SEC23IP: variants seen among roughly 807,000 people sequenced by gnomAD.
SEC23IP encodes SEC23 interacting protein, also known as SEC23-interacting protein.
A neutral mutation model predicts 113.4 loss-of-function variants in SEC23IP; 70 were observed. That is an observed-to-expected ratio of 0.62 (90% CI 0.51 to 0.75). SEC23IP has a LOEUF of 0.75. Ranked by LOEUF, SEC23IP falls within the 30% of genes least tolerant of loss-of-function variation. SEC23IP has a pLI of 0.00. For missense variants in SEC23IP, 1,160 were observed against 1,204.9 expected (o/e 0.96, Z 0.55); for synonymous variants, 398 against 421.0 (o/e 0.95, Z 0.67).
At chr10:119,911,051 T>A (rs1195266536) in intron 5 of SEC23IP, among the ~76,000 whole-genome samples, 3 of 151,062 alleles carry the variant, frequency 2.0e-5, no homozygotes, top group African/African-American at 7.3e-5. Context: ...TTTTTTTTTT[T>A]AAAGAAAATT....
rs772413249 is a variant in SEC23IP at position 119,918,495 on chromosome 10, A to G, written c.1856A>G (p.His619Arg). 2 of 1,610,538 alleles carry G rather than the reference A, an allele frequency of 1.2e-6. No homozygotes were observed. The highest frequency in any genetic ancestry group is 1.7e-6 in the Non-Finnish European group (2 of 1,176,730). The change falls in exon 10 of 19, where the codon CAT becomes CGT. Residue 619 changes from histidine (H) to arginine (R), a missense_variant. Coordinates refer to ENST00000369075, the MANE Select transcript of SEC23IP (RefSeq NM_007190.4). ...AVANGVVKQLHFQEKQMPEEP... is the reference protein window; with the variant it reads ...AVANGVVKQLRFQEKQMPEEP... ...GCTAATGGAGTTGTGAAGCAGCTACATTTTCAGGAAAAGCAGGTACGTCTG... is the reference window on the plus strand; with the variant it reads ...GCTAATGGAGTTGTGAAGCAGCTACGTTTTCAGGAAAAGCAGGTACGTCTG...
At chr10:119,927,250 T>C (rs1855452072) in intron 13 of SEC23IP, among the ~76,000 whole-genome samples, 1 of 152,230 alleles carries the variant, frequency 6.6e-6, no homozygotes, top group Admixed American at 6.5e-5. Context: ...ATTTCACTGT[T>C]TGGAGAGATA....
rs944689097 is a variant in SEC23IP, at chr10:119,941,047, T to G, written c.*482T>G. 6.6e-6 allele frequency: 1 copy of G among 152,228 alleles called. No homozygotes were observed. Among genetic ancestry groups the G allele is most frequent in the Admixed American group, 6.5e-5 (1 of 15,290 alleles). The allele number at this position is 152,228 out of a possible 1,614,324, so 9.4% of individuals were successfully genotyped here. A position where few individuals can be genotyped will look rare whatever the true frequency, so the allele number is the denominator to read the frequency against. On this transcript the variant is annotated 3_prime_UTR_variant, in exon 19 of 19. Coordinates refer to ENST00000369075, the MANE Select transcript of SEC23IP (RefSeq NM_007190.4). ...TAATATGATTTTTAAGAGATTTATG[T>G]TCTACTTAAAATGTGAATTGTACTT...
intron 13 of SEC23IP, among the ~76,000 whole-genome samples, chr10:119,928,694 A>G (rs1009558626): frequency 2.6e-5 from 4 of 152,208 alleles, no homozygotes; most frequent in African/African-American, 7.2e-5. Context: ...AAAAAGACAC[A>G]TTTCCTGCTA....
intron 15 of SEC23IP, among the ~76,000 whole-genome samples, chr10:119,930,945 G>A (rs1255706419): frequency 6.6e-6 from 1 of 152,178 alleles, no homozygotes; most frequent in African/African-American, 2.4e-5. Context: ...GAAGGGATGG[G>A]AGGGGTAGAA....
At chr10:119,914,912 T>A in intron 7 of SEC23IP, 93 bp downstream of exon 7, 1 of 1,164,394 alleles carries the variant, frequency 8.6e-7, no homozygotes, top group Non-Finnish European at 1.3e-6. Flanking sequence ...CCCAGCTGTG[T>A]ACTACTTGCT....
intron 13 of SEC23IP, among the ~76,000 whole-genome samples, chr10:119,926,852 T>A (rs1173197603): frequency 6.6e-6 from 1 of 152,242 alleles, no homozygotes; most frequent in Non-Finnish European, 1.5e-5. Context: ...TATATTCTTA[T>A]GTAAGTAAAT....
At chr10:119,906,283 GAAAAAAA>G (rs59914110) in intron 4 of SEC23IP, among the ~76,000 whole-genome samples, 2 of 114,836 alleles carry the variant, frequency 1.7e-5, no homozygotes, top group Non-Finnish European at 3.6e-5. Flanking sequence ...CCTTGTCTCA[GAAAAAAA>G]AAAAAAAAAA....
At chr10:119,915,982 C>T in intron 8 of SEC23IP, 93 bp downstream of exon 8, 1 of 1,105,402 alleles carries the variant, frequency 9.0e-7, no homozygotes, top group African/African-American at 1.6e-5. Context: ...TAGCTTCAAT[C>T]AATATGTTTT....
In SEC23IP at chr10:119,904,085, T is replaced by G; in HGVS notation, c.909T>G (p.Val303=). Residue 303 remains valine, a splice_region_variant and synonymous_variant, in exon 4 of 19, where the codon GTT becomes GTG. Coordinates refer to ENST00000369075, the MANE Select transcript of SEC23IP (RefSeq NM_007190.4). ...AAAAGTGTTAATTTTGTTCTCTAGT[T>G]CAGCCAGATCCGGAGAGCGTGGTTC... is the stretch of plus-strand genomic sequence containing the variant. ...SLNLEEIYNS[V]QPDPESVVLG... is the part of the protein sequence containing the mutation. 6.2e-7 allele frequency: 1 copy of G among 1,613,836 alleles called. No homozygotes were observed. The highest frequency in any genetic ancestry group is 8.5e-7 in the Non-Finnish European group (1 of 1,179,764).
chr10:119,897,269 G>A (rs997450358), intron 1 of SEC23IP, among the ~76,000 whole-genome samples: 7 of 152,216 alleles, frequency 4.6e-5, no homozygotes, highest in African/African-American at 1.4e-4. Context: ...TAAAAGTTTC[G>A]TAAGGAATAA....
At position 119,943,844 on chromosome 10, in the gene SEC23IP, C is replaced by T. The variant is rs1856017575; in HGVS notation, c.*3279C>T. The T allele has an allele frequency of 6.6e-6, 1 of 152,182 alleles. No individual in the cohort carries two copies. The highest frequency in any genetic ancestry group is 1.5e-5 in the Non-Finnish European group (1 of 68,044). The allele number at this position is 152,182 out of a possible 1,614,324, so 9.4% of individuals were successfully genotyped here. A position where few individuals can be genotyped will look rare whatever the true frequency, so the allele number is the denominator to read the frequency against. ...GAGGACACATCTGTGAGATAGTGGG[C>T]AATGCTACATATTCGTTAGTGGATG... On this transcript the variant is annotated 3_prime_UTR_variant, in exon 19 of 19. Coordinates refer to ENST00000369075, the MANE Select transcript of SEC23IP (RefSeq NM_007190.4).
At chr10:119,894,940 A>G (rs1466051109) in intron 1 of SEC23IP, among the ~76,000 whole-genome samples, 1 of 148,864 alleles carries the variant, frequency 6.7e-6, no homozygotes, top group Admixed American at 6.7e-5. Flanking sequence ...GTGTGTGAAT[A>G]TTAATAATTT....
intron 1 of SEC23IP, among the ~76,000 whole-genome samples, chr10:119,894,343 A>G (rs61870584): frequency 0.11 from 16,452 of 152,204 alleles, 946 homozygotes; most frequent in South Asian, 0.17. Flanking sequence ...AGACAGTTTC[A>G]TGGAGAAGCG....
chr10:119,898,198 G>A, intron 1 of SEC23IP: 1 of 724,944 alleles, frequency 1.4e-6, no homozygotes, highest in Non-Finnish European at 1.9e-6. Context: ...GCTTATGAAT[G>A]AATTATAATT....
chr10:119,939,452 C>T (rs866490438), intron 18 of SEC23IP, among the ~76,000 whole-genome samples: 2 of 151,968 alleles, frequency 1.3e-5, no homozygotes. Context: ...GAGGCCAAGG[C>T]GGATCACAAG....
intron 12 of SEC23IP, among the ~76,000 whole-genome samples, chr10:119,923,346 T>C (rs1855311873): frequency 6.6e-6 from 1 of 152,002 alleles, no homozygotes; most frequent in African/African-American, 2.4e-5. Flanking sequence ...AATACAAAAG[T>C]AATATGGTGT....
intron 5 of SEC23IP, among the ~76,000 whole-genome samples, chr10:119,909,752 G>A (rs565246798): frequency 1.3e-5 from 2 of 152,084 alleles, no homozygotes; most frequent in East Asian, 3.9e-4. Context: ...AAAATTAGCT[G>A]AGCATAGTGG....
intron 1 of SEC23IP, among the ~76,000 whole-genome samples, chr10:119,896,865 G>A (rs905692078): frequency 2.0e-5 from 3 of 152,110 alleles, no homozygotes; most frequent in Non-Finnish European, 4.4e-5. Flanking sequence ...GAAAAGAGGG[G>A]TGGGAGCTGG....
Sources: allele counts gnomAD v4.1 joint callset (sites outside exome capture counted in the v4.1 genomes callset), GRCh38; gene constraint gnomAD v4.1.1; transcripts MANE v1.5; gene names NCBI Gene and HGNC (gene_info 2026-07-23, HGNC 2026-07-21).